The following HIRA variants were observed in gnomAD, a reference collection of about 807,000 sequenced individuals.
HIRA encodes the protein histone cell cycle regulator.
In HIRA, 13 loss-of-function variants were observed where a neutral mutation model predicts 126.6. The ratio of observed to expected loss-of-function variants is 0.10; its 90% CI spans 0.07 to 0.16. The LOEUF (loss-of-function observed/expected upper bound fraction) is 0.16, where lower values mean the gene tolerates loss of function less well. Ranked by LOEUF, HIRA falls within the 10% of genes least tolerant of loss-of-function variation. The pLI, the probability that HIRA is intolerant of heterozygous loss-of-function variation, is 1.00. For synonymous variants in HIRA, 511 were observed against 520.0 expected, an observed-to-expected ratio of 0.98 and a Z score of 0.24; for missense variants, 834 against 1,314.4, an observed-to-expected ratio of 0.63 and a Z score of 5.65.
intron 15 of HIRA, among the ~76,000 whole-genome samples, chr22:19,367,529 G>A (rs1366143396): frequency 6.6e-6 from 1 of 152,004 alleles, no homozygotes; most frequent in Admixed American, 6.6e-5. Context: ...ACCACGCCCC[G>A]CTAATTTTTG....
intron 13 of HIRA, among the ~76,000 whole-genome samples, chr22:19,379,026 TTC>T (rs1241697973): frequency 1.4e-5 from 2 of 143,802 alleles, no homozygotes; most frequent in South Asian, 2.2e-4. Context: ...TTGACATTTT[TTC>T]TTTTTCTTTT....
rs782739313 is a variant in HIRA at position 19,355,746 on chromosome 22, G to T, written c.2561+14C>A. The T allele has an allele frequency of 1.9e-6, 3 of 1,580,080 alleles. No homozygotes were observed. The highest frequency in any genetic ancestry group is 2.6e-6 in the Non-Finnish European group (3 of 1,149,438). ...ACTCTTCCAGGGAATAGGACTGGGG[G>T]TCAGCTTGCTTACCATGTGGAAAGT... On this transcript the variant is annotated intron_variant, in intron 21 of 24. Coordinates refer to ENST00000263208, the MANE Select transcript of HIRA (RefSeq NM_003325.4).
At chr22:19,421,489 C>A (rs1436268852) in intron 1 of HIRA, among the ~76,000 whole-genome samples, 3 of 152,148 alleles carry the variant, frequency 2.0e-5, no homozygotes, top group Non-Finnish European at 4.4e-5. Context: ...CTTCTAAAAT[C>A]ACAAAATCAC....
At chr22:19,380,636 A>T (rs5993620) in intron 13 of HIRA, among the ~76,000 whole-genome samples, 2 of 152,104 alleles carry the variant, frequency 1.3e-5, no homozygotes, top group Non-Finnish European at 2.9e-5. Context: ...TATTTGATAC[A>T]AAGTCTCACT....
At chr22:19,341,525 T>TCA (rs1337030261) in intron 24 of HIRA, among the ~76,000 whole-genome samples, 8 of 149,014 alleles carry the variant, frequency 5.4e-5, no homozygotes, top group African/African-American at 2.0e-4. Context: ...GCTGGAGGCA[T>TCA]CACATTACCC....
Position 19,359,443 on chromosome 22 carries a change from T to C in HIRA, c.2127A>G (p.Glu709=). 1 of 1,609,874 alleles carries C rather than the reference T, an allele frequency of 6.2e-7. No homozygotes were observed. Among genetic ancestry groups the C allele is most frequent in the East Asian group, 2.2e-5 (1 of 44,588 alleles). The change falls in exon 18 of 25, where the codon GAA becomes GAG. Residue 709 remains glutamate (E), a synonymous_variant. Transcript: ENST00000263208. The stretch of plus-strand genomic sequence containing the variant: ...GCTTCACGCCCCCCACCACTGTCAC[T>C]TCATTCTCCACCTCAATGTACATGG... ...DPSMYIEVEN[E]VTVVGGVKLS...
In HIRA at chr22:19,387,675, A is replaced by AC. The variant is rs1015783072; in HGVS notation, c.1113+35dup. The AC allele has an allele frequency of 5.2e-6, 8 of 1,546,702 alleles. No individual in the cohort carries two copies. The African/African-American group carries it at 9.5e-5, about 18-fold the overall frequency. The stretch of plus-strand genomic sequence containing the variant: ...TCTCAGAGCTATTGTGGCAATGGCC[A>AC]CAGAGCACCCAGCAGCACAAGAGCC... On this transcript the variant is annotated intron_variant, in intron 11 of 24. Transcript: ENST00000263208.
intron 1 of HIRA, among the ~76,000 whole-genome samples, chr22:19,430,793 AGG>A (rs2089528761): frequency 6.6e-6 from 1 of 152,226 alleles, no homozygotes; most frequent in South Asian, 2.1e-4. Context: ...CCGTTCCCCA[AGG>A]GTGTGCTTTG....
chr22:19,394,201 T>A, intron 8 of HIRA, 141 bp downstream of exon 8: 2 of 995,144 alleles, frequency 2.0e-6, no homozygotes, highest in Non-Finnish European at 2.9e-6. Context: ...CATGTAAAGT[T>A]TGCCAATAAA....
At chr22:19,347,371 C>A (rs766991351) in intron 24 of HIRA, among the ~76,000 whole-genome samples, 35 of 152,106 alleles carry the variant, frequency 2.3e-4, no homozygotes, top group Non-Finnish European at 4.9e-4. Flanking sequence ...ATTCAGGGAA[C>A]AAATTATTTT....
At chr22:19,342,953 G>C (rs782071720) in intron 24 of HIRA, among the ~76,000 whole-genome samples, 2 of 152,136 alleles carry the variant, frequency 1.3e-5, no homozygotes, top group African/African-American at 2.4e-5. Context: ...ACAGCAACCT[G>C]GATGGAGTTG....
At chr22:19,345,745 A>T (rs1234570079) in intron 24 of HIRA, among the ~76,000 whole-genome samples, 1 of 152,166 alleles carries the variant, frequency 6.6e-6, no homozygotes, top group Non-Finnish European at 1.5e-5. Context: ...TACACTGAAG[A>T]CCACAGCAAA....
chr22:19,385,742 G>A lies in HIRA; in HGVS notation c.1114-6C>T. 4 of 1,611,136 alleles carry A rather than the reference G, an allele frequency of 2.5e-6. No homozygotes were observed. Among genetic ancestry groups the A allele is most frequent in the Non-Finnish European group, 3.4e-6 (4 of 1,178,628 alleles). On this transcript the variant is annotated splice_region_variant and splice_polypyrimidine_tract_variant and intron_variant, in intron 11 of 24. Coordinates refer to ENST00000263208, the MANE Select transcript of HIRA (RefSeq NM_003325.4). Reference sequence around the variant, plus strand: ...GTGGACTGGTGAATGCGGCTCTGGGGAAGCAAGGAGAGGCATGACATGCCA... The same window carrying A: ...GTGGACTGGTGAATGCGGCTCTGGGAAAGCAAGGAGAGGCATGACATGCCA...
At chr22:19,414,969 G>A (rs1292295853) in intron 1 of HIRA, among the ~76,000 whole-genome samples, 1 of 134,938 alleles carries the variant, frequency 7.4e-6, no homozygotes, top group African/African-American at 3.2e-5. Context: ...ATTTTGAGAC[G>A]AAATCTCACT....
At position 19,353,506 on chromosome 22, in the gene HIRA, C is replaced by A. The variant is rs1440279033; in HGVS notation, c.2698G>T (p.Ala900Ser). Residue 900 changes from alanine to serine, a missense_variant, in exon 23 of 25, where the codon GCT becomes TCT. Around this residue, in one of 5 missense-constraint regions of HIRA, gnomAD observed 468 missense variants for 574.2 expected, o/e 0.82. Transcript: ENST00000263208. ...TGAGGCACGGAGAAGAGCCGGGCAG[C>A]CTGCCTTCCCGAGCTGCAGAGACCA... ...QGRTSNSGRQ[A>S]ARLFSVPHVV... 2 of 1,608,660 alleles carry A rather than the reference C, an allele frequency of 1.2e-6. No homozygotes were observed. Among genetic ancestry groups the A allele is most frequent in the African/African-American group, 2.7e-5 (2 of 74,856 alleles).
intron 1 of HIRA, among the ~76,000 whole-genome samples, chr22:19,421,860 C>T (rs1000633271): frequency 2.6e-4 from 40 of 152,050 alleles, no homozygotes; most frequent in African/African-American, 8.5e-4. Flanking sequence ...TTAGTAGAGA[C>T]GCATTTTTGC....
chr22:19,424,521 T>C (rs571290828), intron 1 of HIRA, among the ~76,000 whole-genome samples: 3 of 152,304 alleles, frequency 2.0e-5, no homozygotes, highest in South Asian at 4.1e-4. Context: ...GAGGACAAGC[T>C]CCAGGGACCA....
intron 9 of HIRA, among the ~76,000 whole-genome samples, chr22:19,390,293 GA>G (rs2089166383): frequency 6.6e-6 from 1 of 152,070 alleles, no homozygotes; most frequent in African/African-American, 2.4e-5. Context: ...GGGGAACAAT[GA>G]AACTGAAGAC....
chr22:19,430,698 C>CTT, intron 1 of HIRA, among the ~76,000 whole-genome samples: 1 of 152,112 alleles, frequency 6.6e-6, no homozygotes, highest in Non-Finnish European at 1.5e-5. Context: ...ACTCCTGCAG[C>CTT]AGTTCTGCCA....
Sources: allele counts gnomAD v4.1 joint callset (sites outside exome capture counted in the v4.1 genomes callset), GRCh38; gene constraint gnomAD v4.1.1; regional missense constraint gnomAD v4.1.1; transcripts MANE v1.5; gene names NCBI Gene and HGNC (gene_info 2026-07-23, HGNC 2026-07-21).